DDX23: variants seen among roughly 807,000 people sequenced by gnomAD.
The protein encoded by DDX23 is DEAD-box helicase 23.
DDX23 carries 33 observed loss-of-function variants against 102.7 expected under a neutral mutation model. The ratio of observed to expected loss-of-function variants is 0.32; its 90% CI spans 0.24 to 0.43. DDX23 has a LOEUF of 0.43. DDX23 is among the 20% of genes least tolerant of loss of function. The pLI is 1.00. For synonymous variants in DDX23, 352 were observed against 376.0 expected (o/e 0.94, Z 0.74); for missense variants, 549 against 1,086.6 (o/e 0.51, Z 6.96).
chr12:48,844,263 T>C (rs1938625456), intron 2 of DDX23, among the ~76,000 whole-genome samples: 1 of 152,172 alleles, frequency 6.6e-6, no homozygotes, highest in Non-Finnish European at 1.5e-5. Context: ...TCACGGACTA[T>C]GTGAACAGAT....
intron 1 of DDX23, among the ~76,000 whole-genome samples, chr12:48,849,675 A>T (rs1280374231): frequency 6.6e-5 from 10 of 151,850 alleles, no homozygotes; most frequent in African/African-American, 1.7e-4. Flanking sequence ...GAAAAAAAAA[A>T]AAAAATCAGC....
intron 16 of DDX23, 105 bp downstream of exon 16, chr12:48,831,037 A>G: frequency 7.7e-7 from 1 of 1,291,268 alleles, no homozygotes; most frequent in Admixed American, 1.8e-5. Flanking sequence ...CTTGGAACTG[A>G]GGGAGGCAGT....
Position 48,845,574 on chromosome 12 carries a change from C to G in DDX23, c.209G>C (p.Arg70Thr). 1 of 1,614,212 alleles carries G rather than the reference C, an allele frequency of 6.2e-7. No individual in the cohort carries two copies. Among genetic ancestry groups the G allele is most frequent in the Non-Finnish European group, 8.5e-7 (1 of 1,180,024 alleles). Reference protein sequence around the residue: ...RSRSRSKSAERERRHKERERD... With the variant: ...RSRSRSKSAETERRHKERERD... ...GTAATAACATACAAAGTTACTTTAC[C>G]TTTCTGCAGATTTGGAACGGGAACG... Residue 70 changes from arginine (R) to threonine (T), a missense_variant and splice_region_variant, in exon 2 of 17, where the codon AGA (arginine) becomes ACA (threonine). Coordinates refer to ENST00000308025, the MANE Select transcript of DDX23 (RefSeq NM_004818.3).
At chr12:48,844,707 G>A (rs545159634) in intron 2 of DDX23, among the ~76,000 whole-genome samples, 3 of 149,594 alleles carry the variant, frequency 2.0e-5, no homozygotes, top group East Asian at 2.0e-4. Context: ...TCCTGACCTC[G>A]TGATCCACCT....
intron 3 of DDX23, among the ~76,000 whole-genome samples, chr12:48,842,466 G>A (rs1248218675): frequency 7.8e-6 from 1 of 128,554 alleles, no homozygotes; most frequent in Non-Finnish European, 1.7e-5. Context: ...TCAGCCCCCC[G>A]CCCGGCCAGC....
intron 2 of DDX23, 66 bp from the exon 3 acceptor site, chr12:48,844,116 G>C: frequency 3.4e-6 from 5 of 1,465,248 alleles, no homozygotes; most frequent in Non-Finnish European, 3.8e-6. Context: ...CTGCAGCCCT[G>C]AGAAAGTTCC....
At chr12:48,845,509 C>A in intron 2 of DDX23, 65 bp downstream of exon 2, 1 of 1,580,466 alleles carries the variant, frequency 6.3e-7, no homozygotes, top group Non-Finnish European at 8.7e-7. Context: ...ATCAGAAGAA[C>A]CAAGAAGGAA....
chr12:48,839,704 A>G, intron 5 of DDX23, 140 bp downstream of exon 5: 1 of 797,206 alleles, frequency 1.3e-6, no homozygotes, highest in South Asian at 1.8e-5. Context: ...CTCAGAAGAA[A>G]TAACCCTGCT....
intron 16 of DDX23, 103 bp downstream of exon 16, chr12:48,831,039 G>A (rs1233985569): frequency 4.8e-5 from 63 of 1,316,638 alleles, no homozygotes; most frequent in Non-Finnish European, 6.8e-5. Flanking sequence ...TGGAACTGAG[G>A]GAGGCAGTAA....
Position 48,832,620 on chromosome 12 carries a change from T to C in DDX23, c.1804-47A>G, listed in dbSNP as rs760787935. ...CCCTGCACCCAGGCAGGAATAATCA[T>C]ATATCCCACTGTCACCGAAGGCAGG... On this transcript the variant is annotated intron_variant, in intron 13 of 16. Transcript: ENST00000308025. This position sits in a 1 kb window ranked among gnomAD's most constrained non-coding sequence, Gnocchi z 4.4. 1.9e-6 allele frequency: 3 copies of C among 1,600,686 alleles called. No individual in the cohort carries two copies. In the South Asian group the frequency reaches 3.3e-5, roughly 18 times the overall value.
chr12:48,845,544 C>G (rs755467363), intron 2 of DDX23, 30 bp downstream of exon 2: 26 of 1,612,362 alleles, frequency 1.6e-5, no homozygotes, highest in Non-Finnish European at 2.1e-5. Flanking sequence ...ACTCTCCCTT[C>G]CCATGTAATA....
In DDX23 at chr12:48,838,010, CG is replaced by C; in HGVS notation, c.550del (p.Arg184GlyfsTer116). The C allele has an allele frequency of 6.2e-7, 1 of 1,614,176 alleles. No individual in the cohort carries two copies. Among genetic ancestry groups the C allele is most frequent in the Non-Finnish European group, 8.5e-7 (1 of 1,180,050 alleles). On this transcript the variant is annotated frameshift_variant, in exon 6 of 17. Transcript: ENST00000308025. LOFTEE classifies it high-confidence loss of function. ...CCTCTCTTCTTCAAGCATCCTCTGC[CG>C]CTCTTCCACCTCCTGCTGCCGTCGC... ...LKRRQQEVEERQRMLEEERKK... is the reference protein window; with the variant it reads ...LKRRQQEVEEXQRMLEEERKK...
rs779423609 is a variant in DDX23 at position 48,832,541 on chromosome 12, C to T, written c.1836G>A (p.Ala612=). Residue 612 remains alanine, a synonymous_variant, in exon 14 of 17, where the codon GCG becomes GCA. Transcript: ENST00000308025. This position sits in a 1 kb window ranked among gnomAD's most constrained non-coding sequence, Gnocchi z 4.4. The part of the protein sequence containing the change: ...TVMFTATMPP[A]VERLARSYLR... ...GATAGCTCCTGGCCAGACGCTCCACCGCTGGGGGCATGGTGGCCGTGAACA... is the reference window on the plus strand; with the variant it reads ...GATAGCTCCTGGCCAGACGCTCCACTGCTGGGGGCATGGTGGCCGTGAACA... 1.2e-6 allele frequency: 2 copies of T among 1,614,154 alleles called. No homozygotes were observed. The highest frequency in any genetic ancestry group is 2.2e-5 in the South Asian group (2 of 91,086).
rs138140401 is a variant in DDX23, at chr12:48,834,238, C to T, written c.1560+82G>A. Reference sequence around the variant, plus strand: ...ACCAGCTCCTTTCTTCATACTACTGCACATATATTCCAGAAACTAGAAACA... The same window carrying T: ...ACCAGCTCCTTTCTTCATACTACTGTACATATATTCCAGAAACTAGAAACA... On this transcript the variant is annotated intron_variant, in intron 12 of 16. Transcript: ENST00000308025. The T allele has an allele frequency of 1.0e-3, 1,365 of 1,359,486 alleles. 1 individual carries two copies. Among genetic ancestry groups the T allele is most frequent in the Non-Finnish European group, 1.3e-3 (1,306 of 987,350 alleles). The allele number at this position is 1,359,486 out of a possible 1,614,324, so 84.2% of individuals were successfully genotyped here. A position where few individuals can be genotyped will look rare whatever the true frequency, so the allele number is the denominator to read the frequency against.
chr12:48,836,742 G>A lies in DDX23; in HGVS notation c.1063C>T (p.Arg355Cys), dbSNP rs113301969. The change falls in exon 10 of 17, where the codon CGT becomes TGT. Residue 355 changes from arginine (R) to cysteine (C), a missense_variant. Arg to Cys is a radical substitution (Grantham distance 180). Transcript: ENST00000308025. The surrounding 1 kb of genome is among the most constrained non-coding windows in gnomAD (Gnocchi z 6.1). ...KKEAKQRWDD[R>C]HWSQKKLDEM... is the part of the protein sequence containing the mutation. Reference sequence around the variant, plus strand: ...TCTAACTTTTTCTGAGACCAATGACGATCATCCCAGCGCTGCTTGGCTTCC... The same window carrying A: ...TCTAACTTTTTCTGAGACCAATGACAATCATCCCAGCGCTGCTTGGCTTCC... 1 of 1,614,088 alleles carries A rather than the reference G, an allele frequency of 6.2e-7. No individual in the cohort carries two copies. The highest frequency in any genetic ancestry group is 8.5e-7 in the Non-Finnish European group (1 of 1,180,046).
At chr12:48,835,765 C>T (rs984556587) in intron 11 of DDX23, among the ~76,000 whole-genome samples, 9 of 152,126 alleles carry the variant, frequency 5.9e-5, no homozygotes, top group Admixed American at 5.9e-4. Context: ...TGGCACACGC[C>T]TGTAATCCCC....
rs1938477438 is a variant in DDX23 at position 48,837,191 on chromosome 12, GC to G, written c.866+89del. 1.9e-6 allele frequency: 3 copies of G among 1,552,296 alleles called. No individual in the cohort carries two copies. In the Admixed American group the frequency reaches 5.3e-5, roughly 28 times the overall value. On this transcript the variant is annotated intron_variant, in intron 8 of 16. Coordinates refer to ENST00000308025, the MANE Select transcript of DDX23 (RefSeq NM_004818.3). ...ACCAGTCTACCAATTTTCCATCCCA[GC>G]TTATCTTACTTCCTCCACCTCCGTA...
intron 3 of DDX23, among the ~76,000 whole-genome samples, chr12:48,843,547 C>CTT (rs757724499): frequency 5.1e-5 from 6 of 117,510 alleles, no homozygotes; most frequent in Admixed American, 8.9e-5. Flanking sequence ...TTCTTTCTTT[C>CTT]TTTTTTTTTT....
At chr12:48,849,688 G>A (rs893967827) in intron 1 of DDX23, among the ~76,000 whole-genome samples, 2 of 151,826 alleles carry the variant, frequency 1.3e-5, no homozygotes, top group African/African-American at 4.8e-5. Flanking sequence ...AAATCAGCCA[G>A]GTGTGGTGGT....
Sources: allele counts gnomAD v4.1 joint callset (sites outside exome capture counted in the v4.1 genomes callset), GRCh38; gene constraint gnomAD v4.1.1; non-coding constraint Gnocchi (gnomAD v3.1); transcripts MANE v1.5; gene names NCBI Gene and HGNC (gene_info 2026-07-23, HGNC 2026-07-21).